Variants in TNRC6B observed in about 807,000 individuals in gnomAD.
TNRC6B encodes the protein trinucleotide repeat-containing gene 6B protein.
TNRC6B carries 52 observed loss-of-function variants against 203.6 expected under a neutral mutation model. The ratio of observed to expected loss-of-function variants is 0.26; its 90% CI spans 0.20 to 0.32. The LOEUF (loss-of-function observed/expected upper bound fraction) is 0.32. TNRC6B is among the 10% of genes least tolerant of loss of function. The pLI, the probability that TNRC6B is intolerant of heterozygous loss-of-function variation, is 1.00. For synonymous variants in TNRC6B, 838 were observed against 845.7 expected (o/e 0.99, Z 0.16); for missense variants, 1,923 against 2,286.2 (o/e 0.84, Z 3.24).
At chr22:40,150,160 G>A (rs965778816) in intron 3 of TNRC6B, among the ~76,000 whole-genome samples, 6 of 152,082 alleles carry the variant, frequency 3.9e-5, no homozygotes, top group South Asian at 2.1e-4. Flanking sequence ...GGCAGATCAC[G>A]AGGTCAGGAG....
chr22:40,052,900 T>A (rs1269178635), intron 1 of TNRC6B, among the ~76,000 whole-genome samples: 1 of 152,214 alleles, frequency 6.6e-6, no homozygotes, highest in Non-Finnish European at 1.5e-5. Context: ...TACCTTCTAT[T>A]CTCTTTTATT....
chr22:40,291,851 A>G (rs946851468), intron 12 of TNRC6B, among the ~76,000 whole-genome samples: 1 of 152,234 alleles, frequency 6.6e-6, no homozygotes, highest in Non-Finnish European at 1.5e-5. Flanking sequence ...CAGATTTTAT[A>G]TTCCTTTTGA....
At position 40,251,143 on chromosome 22, in the gene TNRC6B, G is replaced by A. The variant is rs1237913612; in HGVS notation, c.94-36G>A. ...TGAAAATACAGTACTGAATTAAAAA[G>A]CAAATCTCATTTACTTTTATCTGTT... On this transcript the variant is annotated intron_variant, in intron 2 of 22. Coordinates refer to ENST00000454349, the MANE Select transcript of TNRC6B (RefSeq NM_001162501.2). 6.6e-6 allele frequency: 10 copies of A among 1,521,322 alleles called. No homozygotes were observed. In the Admixed American group the frequency reaches 1.3e-4, roughly 19 times the overall value. 94.2% of individuals were successfully genotyped at this position (1,521,322 alleles called of 1,614,324 possible).
intron 1 of TNRC6B, among the ~76,000 whole-genome samples, chr22:40,091,859 A>C (rs2068153569): frequency 6.6e-6 from 1 of 152,136 alleles, no homozygotes; most frequent in African/African-American, 2.4e-5. Flanking sequence ...ATAACCACAA[A>C]CTGGCCCGTG....
Position 40,270,229 on chromosome 22 carries a change from A to G in TNRC6B, c.2914A>G (p.Thr972Ala). The stretch of plus-strand genomic sequence containing the variant: ...CGAGATGGATGATACAGGAGCATCG[A>G]CCACAGGCTGGGGGAACACGCCCGC... ...WGEMDDTGAS[T>A]TGWGNTPANA... The change falls in exon 6 of 23, where the codon ACC becomes GCC. Residue 972 changes from threonine (T) to alanine (A), a missense_variant. Thr to Ala is a moderately conservative substitution (Grantham distance 58). Coordinates refer to ENST00000454349, the MANE Select transcript of TNRC6B (RefSeq NM_001162501.2). 1 of 1,523,466 alleles carries G rather than the reference A, an allele frequency of 6.6e-7. No homozygotes were observed. Among genetic ancestry groups the G allele is most frequent in the Non-Finnish European group, 8.8e-7 (1 of 1,130,640 alleles). The allele number at this position is 1,523,466 out of a possible 1,614,324, so 94.4% of individuals were successfully genotyped here.
intron 1 of TNRC6B, among the ~76,000 whole-genome samples, chr22:40,201,684 T>G (rs933964856): frequency 3.9e-4 from 60 of 152,070 alleles, no homozygotes; most frequent in African/African-American, 1.4e-3. Flanking sequence ...CTCGGCCTCT[T>G]GAGTAGCTGG....
intron 1 of TNRC6B, among the ~76,000 whole-genome samples, chr22:40,058,860 A>T (rs1249801142): frequency 7.9e-5 from 12 of 152,168 alleles, no homozygotes; most frequent in Admixed American, 7.9e-4. Context: ...TCATGCCACC[A>T]TCCTGAATCT....
intron 3 of TNRC6B, among the ~76,000 whole-genome samples, chr22:40,148,561 G>T (rs2068717091): frequency 6.6e-6 from 1 of 152,112 alleles, no homozygotes; most frequent in Non-Finnish European, 1.5e-5. Context: ...GAGATTACAG[G>T]TGTGGGCCAC....
chr22:40,316,908 G>A (rs1601518939), intron 21 of TNRC6B, among the ~76,000 whole-genome samples: 1 of 152,124 alleles, frequency 6.6e-6, no homozygotes, highest in Non-Finnish European at 1.5e-5. Flanking sequence ...AGATCTTACG[G>A]GGCAGAGAAA....
intron 12 of TNRC6B, among the ~76,000 whole-genome samples, chr22:40,287,445 A>C (rs1601491306): frequency 6.6e-6 from 1 of 152,022 alleles, no homozygotes; most frequent in Admixed American, 6.6e-5. Flanking sequence ...GTTTCTCCAC[A>C]CCCCTTCCTT....
At chr22:40,255,202 C>T (rs953111931) in intron 3 of TNRC6B, among the ~76,000 whole-genome samples, 2 of 152,220 alleles carry the variant, frequency 1.3e-5, no homozygotes, top group Non-Finnish European at 2.9e-5. Context: ...GAAACTTACT[C>T]TTCAGATAGC....
At chr22:40,276,975 TA>T in intron 7 of TNRC6B, 101 bp from the exon 8 acceptor site, 1 of 808,628 alleles carries the variant, frequency 1.2e-6, no homozygotes, top group Non-Finnish European at 1.8e-6. Flanking sequence ...AAATAGGACT[TA>T]AAAAGGTAAA....
At chr22:40,296,479 C>T (rs1156679632) in intron 12 of TNRC6B, among the ~76,000 whole-genome samples, 1 of 150,600 alleles carries the variant, frequency 6.6e-6, no homozygotes, top group Non-Finnish European at 1.5e-5. Context: ...CTACAGGCGC[C>T]CGCCATCACT....
At chr22:40,051,087 T>G (rs2067740554) in intron 1 of TNRC6B, among the ~76,000 whole-genome samples, 1 of 152,200 alleles carries the variant, frequency 6.6e-6, no homozygotes, top group Admixed American at 6.5e-5. Flanking sequence ...CCTCCCAAAG[T>G]GCTGGGATTA....
chr22:40,148,839 G>T (rs2068719974), intron 3 of TNRC6B, among the ~76,000 whole-genome samples: 1 of 152,150 alleles, frequency 6.6e-6, no homozygotes, highest in African/African-American at 2.4e-5. Context: ...AAAATACCAT[G>T]TGAAACTGAA....
intron 1 of TNRC6B, among the ~76,000 whole-genome samples, chr22:40,046,296 T>C (rs762334156): frequency 1.3e-5 from 2 of 152,242 alleles, no homozygotes; most frequent in Non-Finnish European, 1.5e-5. Flanking sequence ...GCGGAACTTT[T>C]AGCGCATTGT....
At chr22:40,066,777 G>T (rs2067897087) in intron 1 of TNRC6B, among the ~76,000 whole-genome samples, 1 of 151,934 alleles carries the variant, frequency 6.6e-6, no homozygotes. Flanking sequence ...ATTTAAGAAA[G>T]CTTGGTTTTA....
chr22:40,294,073 C>CAAAAAAAAAAAAAAAA (rs11354611), intron 12 of TNRC6B, among the ~76,000 whole-genome samples: 1 of 80,328 alleles, frequency 1.2e-5, no homozygotes, highest in Non-Finnish European at 2.4e-5. Context: ...CCCATCTCTA[C>CAAAAAAAAAAAAAAAA]AAAAAAAAAA....
At chr22:40,232,354 G>A (rs1230992864) in intron 1 of TNRC6B, among the ~76,000 whole-genome samples, 25 of 152,192 alleles carry the variant, frequency 1.6e-4, no homozygotes, top group Non-Finnish European at 8.8e-5. Flanking sequence ...AAACCAGGTC[G>A]TGAGTGGAAT....
Sources: gnomAD v4.1 joint callset for allele counts (sites outside exome capture counted in the v4.1 genomes callset) on GRCh38, gnomAD v4.1.1 for gene constraint, MANE v1.5 for transcripts, NCBI Gene and HGNC (gene_info 2026-07-23, HGNC 2026-07-21) for gene names.